CASZ1: variants seen among roughly 807,000 people sequenced by gnomAD.
CASZ1 encodes the protein castor zinc finger 1.
Under a neutral mutation model 135.2 loss-of-function variants are expected in CASZ1, and 28 were observed. The observed-to-expected ratio is 0.21, with a 90% confidence interval of 0.15 to 0.28. The LOEUF is 0.28. CASZ1 is among the 10% of genes least tolerant of loss of function. The pLI, the probability that CASZ1 is intolerant of heterozygous loss-of-function variation, is 1.00. For missense variants in CASZ1, 2,161 were observed against 2,453.3 expected (o/e 0.88, Z 2.52); for synonymous variants, 1,068 against 1,073.4 (o/e 0.99, Z 0.10).
At chr1:10,796,139 G>T (rs1390767944) in intron 1 of CASZ1, among the ~76,000 whole-genome samples, 1 of 151,748 alleles carries the variant, frequency 6.6e-6, no homozygotes, top group Non-Finnish European at 1.5e-5. Flanking sequence ...CCCACAGCGC[G>T]TGGGGCGCCC....
rs934636552 is a variant in CASZ1 at position 10,711,554 on chromosome 1, C to T, written c.-76-6010G>A. ...GAGATGGTGCAATTCCATTCCCAGG[C>T]ATATACCAGAAAAAATGGAAAACAG... is the stretch of plus-strand genomic sequence containing the variant. On this transcript the variant is annotated intron_variant, in intron 2 of 20. Transcript: ENST00000377022. The surrounding 1 kb of genome is among the most constrained non-coding windows in gnomAD (Gnocchi z 4.4). 1.4e-4 allele frequency among the ~76,000 whole-genome samples: 19 copies of T among 136,444 alleles called. No individual in the cohort carries two copies. Among genetic ancestry groups the T allele is most frequent in the African/African-American group, 5.2e-4 (19 of 36,330 alleles). 89.5% of individuals were successfully genotyped at this position (136,444 alleles called of 152,430 possible).
chr1:10,696,203 CAG>C (rs1553133229), intron 3 of CASZ1, among the ~76,000 whole-genome samples: 1 of 152,200 alleles, frequency 6.6e-6, no homozygotes, highest in Non-Finnish European at 1.5e-5. Flanking sequence ...AATGGCCTCT[CAG>C]GGAGTTGGGC....
chr1:10,775,141 T>C (rs1640640407), intron 1 of CASZ1, among the ~76,000 whole-genome samples: 1 of 152,140 alleles, frequency 6.6e-6, no homozygotes, highest in African/African-American at 2.4e-5. Flanking sequence ...TTAGAACACT[T>C]GTTCGGTTCC....
chr1:10,654,832 G>C (rs537626486), intron 9 of CASZ1, among the ~76,000 whole-genome samples: 1 of 152,262 alleles, frequency 6.6e-6, no homozygotes, highest in Non-Finnish European at 1.5e-5. Flanking sequence ...TCTGTGCTGA[G>C]GATCAGGGCA....
intron 18 of CASZ1, among the ~76,000 whole-genome samples, chr1:10,643,684 G>A (rs993278880): frequency 2.6e-5 from 4 of 152,198 alleles, no homozygotes; most frequent in Middle Eastern, 3.2e-3. Flanking sequence ...TGGGGAGCCC[G>A]GGGTGCTGTC....
intron 3 of CASZ1, among the ~76,000 whole-genome samples, chr1:10,698,195 G>A (rs776999250): frequency 7.2e-5 from 11 of 152,376 alleles, no homozygotes; most frequent in African/African-American, 1.9e-4. Flanking sequence ...GCTCGGCCCC[G>A]TAATCCTGTT....
Position 10,639,086 on chromosome 1 carries a change from GTCGTCGTCGTCCTCGTCGTCGTCC to G in CASZ1, c.5112_5135del (p.Glu1704_Asp1711del). ...CCTCCGAGTCGGTGCGCAGGTCCTC[GTCGTCGTCGTCCTCGTCGTCGTCC>G]TCGTCGTCGTCGTCCTCGTCGTCGT... On this transcript the variant is annotated inframe_deletion, in exon 21 of 21. Coordinates refer to ENST00000377022, the MANE Select transcript of CASZ1 (RefSeq NM_001079843.3). The surrounding 1 kb of genome is among the most constrained non-coding windows in gnomAD (Gnocchi z 4.0). 3 of 1,048,812 alleles carry G rather than the reference GTCGTCGTCGTCCTCGTCGTCGTCC, an allele frequency of 2.9e-6. No individual in the cohort carries two copies. Among genetic ancestry groups the G allele is most frequent in the Non-Finnish European group, 3.6e-6 (3 of 841,496 alleles). 65.0% of individuals were successfully genotyped at this position (1,048,812 alleles called of 1,614,324 possible). A position where few individuals can be genotyped will look rare whatever the true frequency, so the allele number is the denominator to read the frequency against.
At chr1:10,793,975 C>G (rs1218521709) in intron 1 of CASZ1, among the ~76,000 whole-genome samples, 4 of 152,184 alleles carry the variant, frequency 2.6e-5, no homozygotes, top group African/African-American at 9.6e-5. Context: ...CACCAGGACG[C>G]AAACCCGGCG....
At chr1:10,722,995 G>A (rs1320703516) in intron 2 of CASZ1, among the ~76,000 whole-genome samples, 4 of 152,266 alleles carry the variant, frequency 2.6e-5, no homozygotes, top group African/African-American at 4.8e-5. Context: ...CACTGTCTGC[G>A]CTCACCTGAT....
rs1345984841 is a variant in CASZ1, at chr1:10,694,630, C to CCCGCCCG, written c.-23-725_-23-719dup. On this transcript the variant is annotated intron_variant, in intron 3 of 20. Transcript: ENST00000377022. The surrounding 1 kb of genome is among the most constrained non-coding windows in gnomAD (Gnocchi z 6.6). ...GCCGCCGCCGCCGCCGCCCGGTGCG[C>CCCGCCCG]CCGCCCGCCGCCCGCCGCCCGGTGC... 2.6e-4 allele frequency among the ~76,000 whole-genome samples: 37 copies of CCCGCCCG among 143,322 alleles called. No homozygotes were observed. The highest frequency in any genetic ancestry group is 4.8e-4 in the Admixed American group (7 of 14,564). The allele number at this position is 143,322 out of a possible 152,430, so 94.0% of individuals were successfully genotyped here.
At chr1:10,655,075 A>T (rs1642742647) in intron 9 of CASZ1, among the ~76,000 whole-genome samples, 1 of 151,904 alleles carries the variant, frequency 6.6e-6, no homozygotes, top group East Asian at 1.9e-4. Context: ...CATATTGAGT[A>T]AAAACCCGTG....
chr1:10,749,113 T>G (rs984207935), intron 2 of CASZ1, among the ~76,000 whole-genome samples: 4 of 152,178 alleles, frequency 2.6e-5, no homozygotes, highest in Non-Finnish European at 5.9e-5. Context: ...GCAGGAGCCC[T>G]GCTAATTAAT....
intron 1 of CASZ1, among the ~76,000 whole-genome samples, chr1:10,785,128 T>C (rs200021965): frequency 4.2e-4 from 10 of 23,934 alleles, no homozygotes; most frequent in Non-Finnish European, 1.6e-3. Flanking sequence ...TTCTTTCCTT[T>C]CTTCCTTCCT....
chr1:10,674,986 C>A (rs1215340641), intron 4 of CASZ1, among the ~76,000 whole-genome samples: 1 of 152,066 alleles, frequency 6.6e-6, no homozygotes, highest in Non-Finnish European at 1.5e-5. Flanking sequence ...AGGGGAGCGC[C>A]CACCCCTCCT....
intron 4 of CASZ1, among the ~76,000 whole-genome samples, chr1:10,673,181 G>T (rs1011942094): frequency 2.6e-5 from 4 of 152,080 alleles, no homozygotes; most frequent in Non-Finnish European, 5.9e-5. Context: ...TACTTTGTTG[G>T]TTTTTTTAAA....
chr1:10,754,582 C>G (rs1462378607), intron 2 of CASZ1, among the ~76,000 whole-genome samples: 1 of 152,204 alleles, frequency 6.6e-6, no homozygotes, highest in Non-Finnish European at 1.5e-5. Flanking sequence ...AGGTGCTCCT[C>G]ACACCCTCGT....
chr1:10,708,407 C>T (rs536306375), intron 2 of CASZ1, among the ~76,000 whole-genome samples: 39 of 152,312 alleles, frequency 2.6e-4, no homozygotes, highest in Admixed American at 4.6e-4. Context: ...TCTCTGAAGA[C>T]ACCAGCAATG....
At chr1:10,732,315 C>T (rs1397125473) in intron 2 of CASZ1, among the ~76,000 whole-genome samples, 4 of 142,774 alleles carry the variant, frequency 2.8e-5, no homozygotes, top group Admixed American at 7.0e-5. Flanking sequence ...AGCAAGACTC[C>T]GTCTCAAAAA....
At chr1:10,689,538 GC>G (rs1316646593) in intron 4 of CASZ1, among the ~76,000 whole-genome samples, 1 of 152,148 alleles carries the variant, frequency 6.6e-6, no homozygotes, top group Non-Finnish European at 1.5e-5. Flanking sequence ...GGGAAAAAGG[GC>G]CAGGGGTGGG....
Sources: gnomAD v4.1 joint callset for allele counts (sites outside exome capture counted in the v4.1 genomes callset) on GRCh38, gnomAD v4.1.1 for gene constraint, Gnocchi (gnomAD v3.1) non-coding constraint, MANE v1.5 for transcripts, NCBI Gene and HGNC (gene_info 2026-07-23, HGNC 2026-07-21) for gene names.